The following PTPN9 variants were observed in gnomAD, a reference collection of about 807,000 sequenced individuals.
The protein encoded by PTPN9 is protein tyrosine phosphatase non-receptor type 9.
A neutral mutation model predicts 69.8 loss-of-function variants in PTPN9; 26 were observed. That is an observed-to-expected ratio of 0.37 (90% CI 0.27 to 0.52). PTPN9 has a LOEUF of 0.52. Ranked by LOEUF, PTPN9 falls within the 20% of genes least tolerant of loss-of-function variation. PTPN9 has a pLI of 0.91. For missense variants in PTPN9, 549 were observed against 740.3 expected, an observed-to-expected ratio of 0.74 and a Z score of 3.00; for synonymous variants, 274 against 272.5, an observed-to-expected ratio of 1.01 and a Z score of -0.05.
At position 75,508,989 on chromosome 15, in the gene PTPN9, C is replaced by T. The variant is rs935521146; in HGVS notation, c.567G>A (p.Val189=). The change falls in exon 6 of 13, where the codon GTG becomes GTA. Residue 189 remains valine (V), a synonymous_variant. Coordinates refer to ENST00000618819, the MANE Select transcript of PTPN9 (RefSeq NM_002833.4). ...GCACTCGGAACCATATGGGTGCCCC[C>T]ACAATCAGCACCTTCTTCAAACGAG... ...FPARLKKVLI[V]GAPIWFRVPY... is the part of the protein sequence containing the mutation. 2.5e-6 allele frequency: 4 copies of T among 1,614,112 alleles called. No individual in the cohort carries two copies. Among genetic ancestry groups the T allele is most frequent in the Non-Finnish European group, 2.5e-6 (3 of 1,179,980 alleles).
Position 75,463,851 on chromosome 15 carries a change from G to A in PTPN9, c.*4918C>T, listed in dbSNP as rs1394530219. 2.6e-5 allele frequency: 4 copies of A among 152,212 alleles called. No individual in the cohort carries two copies. Among genetic ancestry groups the A allele is most frequent in the African/African-American group, 9.7e-5 (4 of 41,448 alleles). 9.4% of individuals were successfully genotyped at this position (152,212 alleles called of 1,614,324 possible). ...AGAAAAAGATGGTTCCCAGGCTGAT[G>A]GGCATTTCCATTCCTGCCCTTGGTA... On this transcript the variant is annotated 3_prime_UTR_variant, in exon 13 of 13. Transcript: ENST00000618819.
At position 75,469,774 on chromosome 15, in the gene PTPN9, C is replaced by G. The variant is rs1171690187; in HGVS notation, c.1567+18G>C. ...CTACTGCCCCTGCAGACACCAAGAG[C>G]TGCATTAGGTGCGTTACCTGTCCTG... On this transcript the variant is annotated intron_variant, in intron 12 of 12. Transcript: ENST00000618819. 1 of 1,609,778 alleles carries G rather than the reference C, an allele frequency of 6.2e-7. No homozygotes were observed. The highest frequency in any genetic ancestry group is 1.3e-5 in the African/African-American group (1 of 74,834).
rs1325887345 is a variant in PTPN9, at chr15:75,490,198, A to G, written c.1062+10T>C. The G allele has an allele frequency of 6.3e-7, 1 of 1,585,726 alleles. No individual in the cohort carries two copies. Among genetic ancestry groups the G allele is most frequent in the Non-Finnish European group, 8.7e-7 (1 of 1,154,270 alleles). The stretch of plus-strand genomic sequence containing the variant: ...CAGTGCACCTAAAAAGATTACATTT[A>G]TCTGTCTACCTGAGTATGGCCACTT... On this transcript the variant is annotated intron_variant, in intron 8 of 12. Coordinates refer to ENST00000618819, the MANE Select transcript of PTPN9 (RefSeq NM_002833.4).
At chr15:75,549,448 T>C (rs2075047494) in intron 1 of PTPN9, among the ~76,000 whole-genome samples, 1 of 151,242 alleles carries the variant, frequency 6.6e-6, no homozygotes, top group Non-Finnish European at 1.5e-5. Flanking sequence ...GCGATCTGCC[T>C]ACCTCAGCCT....
At chr15:75,506,082 T>C in intron 6 of PTPN9, 79 bp from the exon 7 acceptor site, 1 of 1,171,078 alleles carries the variant, frequency 8.5e-7, no homozygotes, top group Non-Finnish European at 1.2e-6. Context: ...AATGTATTTA[T>C]ATCAGGTTTG....
chr15:75,510,360 C>T (rs1430449656), intron 5 of PTPN9, among the ~76,000 whole-genome samples: 4 of 152,168 alleles, frequency 2.6e-5, no homozygotes, highest in Non-Finnish European at 4.4e-5. Flanking sequence ...ATCCTCCCAC[C>T]TCAGGCTCCC....
chr15:75,545,637 A>G (rs532206634), intron 1 of PTPN9, among the ~76,000 whole-genome samples: 2 of 152,164 alleles, frequency 1.3e-5, no homozygotes, highest in Non-Finnish European at 2.9e-5. Context: ...TACAAAATAA[A>G]ATAATTTAAA....
At chr15:75,522,976 A>T (rs553410146) in intron 4 of PTPN9, 145 bp downstream of exon 4, 297 of 957,960 alleles carry the variant, frequency 3.1e-4, no homozygotes, top group Non-Finnish European at 4.1e-4. Context: ...CCGAGTTCTA[A>T]AGGACATGGA....
chr15:75,561,616 G>C (rs955173176), intron 1 of PTPN9, among the ~76,000 whole-genome samples: 3 of 152,066 alleles, frequency 2.0e-5, no homozygotes, highest in Non-Finnish European at 4.4e-5. Context: ...ATGGTTCATT[G>C]CAACCTTAAA....
At chr15:75,572,800 A>G (rs1377240971) in intron 1 of PTPN9, among the ~76,000 whole-genome samples, 4 of 152,202 alleles carry the variant, frequency 2.6e-5, no homozygotes, top group African/African-American at 9.6e-5. Context: ...ATAAAATTTT[A>G]TTGTAGTTGT....
At chr15:75,480,007 A>C (rs1429789595) in intron 8 of PTPN9, 93 bp from the exon 9 acceptor site, 61 of 825,288 alleles carry the variant, frequency 7.4e-5, no homozygotes, top group Non-Finnish European at 1.1e-4. Flanking sequence ...CCAAGGTGTG[A>C]ATATTCTCTT....
chr15:75,562,791 C>CAAA (rs60164759), intron 1 of PTPN9, among the ~76,000 whole-genome samples: 21 of 80,044 alleles, frequency 2.6e-4, no homozygotes, highest in South Asian at 5.0e-4. Flanking sequence ...AGACTCGTTT[C>CAAA]AAAAAAAAAA....
At chr15:75,565,364 A>T (rs942897813) in intron 1 of PTPN9, among the ~76,000 whole-genome samples, 1 of 152,172 alleles carries the variant, frequency 6.6e-6, no homozygotes, top group Admixed American at 6.6e-5. Context: ...CTTTAACTTT[A>T]AAGTGAAAAC....
intron 1 of PTPN9, among the ~76,000 whole-genome samples, chr15:75,538,116 G>C (rs1373474558): frequency 6.6e-6 from 1 of 151,958 alleles, no homozygotes; most frequent in African/African-American, 2.4e-5. Context: ...AGTAAAGATA[G>C]CTCTCACATT....
chr15:75,469,973 G>GT lies in PTPN9; in HGVS notation c.1385dup (p.His462GlnfsTer21). On this transcript the variant is annotated frameshift_variant, in exon 12 of 13. Coordinates refer to ENST00000618819, the MANE Select transcript of PTPN9 (RefSeq NM_002833.4). LOFTEE classifies it high-confidence loss of function. ...AGTCTGGCCAGCTCAAGAACTGGAA[G>GT]TGGGTCACCTGGCGTTTCTGCCGTT... is the stretch of plus-strand genomic sequence containing the variant. 1 of 1,613,796 alleles carries GT rather than the reference G, an allele frequency of 6.2e-7. No individual in the cohort carries two copies. The highest frequency in any genetic ancestry group is 8.5e-7 in the Non-Finnish European group (1 of 1,179,650).
intron 1 of PTPN9, among the ~76,000 whole-genome samples, chr15:75,556,711 A>G (rs934657324): frequency 5.3e-5 from 8 of 152,224 alleles, no homozygotes; most frequent in Admixed American, 5.2e-4. Context: ...ATACCTAACA[A>G]TATTTATCAT....
intron 1 of PTPN9, among the ~76,000 whole-genome samples, chr15:75,530,497 TTATATTATAA>T (rs1314495332): frequency 2.2e-5 from 2 of 91,550 alleles, no homozygotes; most frequent in Non-Finnish European, 3.9e-5. Context: ...TTATAATATA[TTATATTATAA>T]TATATTATAA....
chr15:75,485,351 CTTCTTTT>C (rs1424917722), intron 8 of PTPN9, among the ~76,000 whole-genome samples: 102 of 128,384 alleles, frequency 7.9e-4, no homozygotes, highest in Non-Finnish European at 1.4e-3. Context: ...AGAATTGTCA[CTTCTTTT>C]TTTTTTTTTT....
intron 10 of PTPN9, 189 bp from the exon 11 acceptor site, chr15:75,471,019 A>G (rs1173707766): frequency 1.5e-6 from 1 of 674,276 alleles, no homozygotes; most frequent in Admixed American, 3.1e-5. Context: ...TCACAGCTAA[A>G]GTTTCTGCAT....
Sources: gnomAD v4.1 joint callset for allele counts (sites outside exome capture counted in the v4.1 genomes callset) on GRCh38, gnomAD v4.1.1 for gene constraint, MANE v1.5 for transcripts, NCBI Gene and HGNC (gene_info 2026-07-23, HGNC 2026-07-21) for gene names.